The following FGD3 variants were observed in gnomAD, a reference collection of about 807,000 sequenced individuals.
The protein encoded by FGD3 is FYVE, RhoGEF and PH domain containing 3.
FGD3 carries 45 observed loss-of-function variants against 71.8 expected under a neutral mutation model. The ratio of observed to expected loss-of-function variants is 0.63; its 90% confidence interval spans 0.49 to 0.80. The LOEUF (loss-of-function observed/expected upper bound fraction) is 0.80, where lower values mean the gene tolerates loss of function less well. FGD3 is among the 30% of genes least tolerant of loss of function. The pLI is 0.00. For missense variants in FGD3, 844 were observed against 951.5 expected, an observed-to-expected ratio of 0.89 and a Z score of 1.49; for synonymous variants, 378 against 392.8, an observed-to-expected ratio of 0.96 and a Z score of 0.44.
intron 8 of FGD3, among the ~76,000 whole-genome samples, chr9:93,011,871 ACT>A (rs1861407187): frequency 9.5e-6 from 1 of 105,058 alleles, no homozygotes; most frequent in African/African-American, 3.8e-5. Flanking sequence ...AAAAAGAATC[ACT>A]CTAGGCCAGG....
chr9:92,988,295 A>G (rs1860266238), intron 3 of FGD3, among the ~76,000 whole-genome samples: 1 of 152,028 alleles, frequency 6.6e-6, no homozygotes, highest in Non-Finnish European at 1.5e-5. Flanking sequence ...TGGTAGCTCC[A>G]CCCCATTTCC....
At chr9:93,002,833 C>A in intron 3 of FGD3, 92 bp from the exon 4 acceptor site, 1 of 1,301,790 alleles carries the variant, frequency 7.7e-7, no homozygotes, top group Non-Finnish European at 1.1e-6. Flanking sequence ...CCCCTGTGGC[C>A]CCTGGTTCTC....
intron 3 of FGD3, among the ~76,000 whole-genome samples, chr9:92,989,837 C>T (rs569968380): frequency 1.3e-5 from 2 of 151,230 alleles, no homozygotes. Context: ...TCTTGCATGA[C>T]TCAGCTTTCA....
rs575657507 is a variant in FGD3 at position 92,964,888 on chromosome 9, G to A, written c.-217-10350G>A. On this transcript the variant is annotated intron_variant, in intron 1 of 17. Transcript: ENST00000375482. ...GAGGGTGGTCCCAGACGTGTCCTGG[G>A]GGCTAGGCTTTCCCACACAGTGTGT... Among the ~76,000 whole-genome samples, 3 of 152,320 alleles carry A rather than the reference G, an allele frequency of 2.0e-5. No homozygotes were observed. The East Asian group carries it at 5.8e-4, about 29-fold the overall frequency.
intron 1 of FGD3, among the ~76,000 whole-genome samples, chr9:92,970,495 G>A (rs910453101): frequency 6.6e-6 from 1 of 152,202 alleles, no homozygotes; most frequent in African/African-American, 2.4e-5. Flanking sequence ...GGTGACCATT[G>A]TTCATCAGGA....
At chr9:92,993,711 C>A (rs908037155) in intron 3 of FGD3, among the ~76,000 whole-genome samples, 1 of 152,126 alleles carries the variant, frequency 6.6e-6, no homozygotes, top group Non-Finnish European at 1.5e-5. Context: ...TGAGAACATG[C>A]GGTGTTTGGT....
chr9:92,985,346 G>A (rs550255855), intron 3 of FGD3, among the ~76,000 whole-genome samples: 2 of 152,272 alleles, frequency 1.3e-5, no homozygotes, highest in Admixed American at 1.3e-4. Flanking sequence ...ATAAAAGACT[G>A]AGGAGGTGAC....
At chr9:92,967,716 A>G (rs1188151064) in intron 1 of FGD3, among the ~76,000 whole-genome samples, 1 of 152,214 alleles carries the variant, frequency 6.6e-6, no homozygotes, top group Non-Finnish European at 1.5e-5. Flanking sequence ...CTGAGACTAC[A>G]GGCATGCACC....
chr9:92,991,241 G>T (rs942427655), intron 3 of FGD3, among the ~76,000 whole-genome samples: 2 of 151,990 alleles, frequency 1.3e-5, no homozygotes, highest in African/African-American at 4.8e-5. Context: ...ACCACACCCA[G>T]CTAATTTTTA....
At chr9:92,954,745 C>G (rs1437068280) in intron 1 of FGD3, among the ~76,000 whole-genome samples, 1 of 152,202 alleles carries the variant, frequency 6.6e-6, no homozygotes, top group Non-Finnish European at 1.5e-5. Flanking sequence ...CTTCCAAGCT[C>G]TTTACTCCCC....
intron 14 of FGD3, among the ~76,000 whole-genome samples, chr9:93,027,086 T>A (rs1862142239): frequency 6.6e-6 from 1 of 152,228 alleles, no homozygotes. Context: ...GCCTCACCTG[T>A]GTCTTTGGAG....
At chr9:93,002,410 C>G (rs936876771) in intron 3 of FGD3, among the ~76,000 whole-genome samples, 1 of 152,104 alleles carries the variant, frequency 6.6e-6, no homozygotes, top group African/African-American at 2.4e-5. Flanking sequence ...ATGGCAAAAC[C>G]TCATCTCTAC....
chr9:92,997,195 C>T (rs1176375806), intron 3 of FGD3, among the ~76,000 whole-genome samples: 1 of 152,176 alleles, frequency 6.6e-6, no homozygotes, highest in African/African-American at 2.4e-5. Context: ...ATAGTTAGCT[C>T]TTCTTGTTGA....
chr9:93,029,133 G>A (rs10992595), intron 14 of FGD3, among the ~76,000 whole-genome samples: 66 of 146,706 alleles, frequency 4.5e-4, no homozygotes, highest in African/African-American at 1.5e-3. Context: ...CTGGGTTGAA[G>A]CAATTCTCCT....
Position 92,969,487 on chromosome 9 carries a change from G to A in FGD3, c.-217-5751G>A, listed in dbSNP as rs112866942. ...TTGAAGTGGCATCAAAGAATATACG[G>A]GCAGTTTAAAAACCACCACTAACGC... On this transcript the variant is annotated intron_variant, in intron 1 of 17. Coordinates refer to ENST00000375482, the MANE Select transcript of FGD3 (RefSeq NM_001083536.2). This position sits in a 1 kb window ranked among gnomAD's most constrained non-coding sequence, Gnocchi z 4.5. Among the ~76,000 whole-genome samples, 4 of 152,214 alleles carry A rather than the reference G, an allele frequency of 2.6e-5. No homozygotes were observed. The highest frequency in any genetic ancestry group is 5.9e-5 in the Non-Finnish European group (4 of 68,046).
chr9:92,949,883 C>T (rs891203152), intron 1 of FGD3, among the ~76,000 whole-genome samples: 4 of 152,164 alleles, frequency 2.6e-5, no homozygotes, highest in Admixed American at 6.5e-5. Flanking sequence ...CTGTGCCTAC[C>T]GGCAGAGGCT....
Position 92,958,667 on chromosome 9 carries a change from A to G in FGD3, c.-218+10938A>G, listed in dbSNP as rs971992734. On this transcript the variant is annotated intron_variant, in intron 1 of 17. Transcript: ENST00000375482. The stretch of plus-strand genomic sequence containing the variant: ...CACAAATTCATGAATATTTTCACCT[A>G]TGTGTTTTTAGAAGCTTTACAGTTT... Among the ~76,000 whole-genome samples the G allele has an allele frequency of 3.2e-4, 48 of 152,208 alleles. 1 individual carries two copies. The highest frequency in any genetic ancestry group is 2.1e-4 in the South Asian group (1 of 4,832).
chr9:92,999,284 A>G lies in FGD3; in HGVS notation c.454-3641A>G, dbSNP rs111583871. Reference sequence around the variant, plus strand: ...GGACCCTCTGAGCCAGGCGAGGGATATAATCTCCTGGTGTGCCGTTTGCTA... The same window carrying G: ...GGACCCTCTGAGCCAGGCGAGGGATGTAATCTCCTGGTGTGCCGTTTGCTA... On this transcript the variant is annotated intron_variant, in intron 3 of 17. Coordinates refer to ENST00000375482, the MANE Select transcript of FGD3 (RefSeq NM_001083536.2). Among the ~76,000 whole-genome samples, 812 of 152,304 alleles carry G rather than the reference A, an allele frequency of 5.3e-3. 12 individuals carry two copies. Among genetic ancestry groups the G allele is most frequent in the African/African-American group, 0.019 (775 of 41,562 alleles).
In FGD3 at chr9:93,016,335, C is replaced by CTTT. The variant is rs71511639; in HGVS notation, c.1275+526_1275+528dup. ...CTGTAGCATGGTCCAGAATGACCTT[C>CTTT]TTTTTTTTTTTTTTTTTTTTTTGAG... On this transcript the variant is annotated intron_variant, in intron 10 of 17. Coordinates refer to ENST00000375482, the MANE Select transcript of FGD3 (RefSeq NM_001083536.2). Among the ~76,000 whole-genome samples, 510 of 108,402 alleles carry CTTT rather than the reference C, an allele frequency of 4.7e-3. 2 individuals are homozygous for CTTT. The highest frequency in any genetic ancestry group is 6.2e-3 in the Non-Finnish European group (332 of 53,338). 71.1% of individuals were successfully genotyped at this position (108,402 alleles called of 152,430 possible). A position where few individuals can be genotyped will look rare whatever the true frequency, so the allele number is the denominator to read the frequency against.
Sources: allele counts gnomAD v4.1 joint callset (sites outside exome capture counted in the v4.1 genomes callset), GRCh38; gene constraint gnomAD v4.1.1; non-coding constraint Gnocchi (gnomAD v3.1); transcripts MANE v1.5; gene names NCBI Gene and HGNC (gene_info 2026-07-23, HGNC 2026-07-21).